RAP1GAP2: variants seen among roughly 807,000 people sequenced by gnomAD.
RAP1GAP2 encodes rap1 GTPase-activating protein 2.
Under a neutral mutation model 95.0 loss-of-function variants are expected in RAP1GAP2, and 27 were observed. That is an observed-to-expected ratio of 0.28 (90% CI 0.21 to 0.39). RAP1GAP2 has a LOEUF of 0.39. Ranked by LOEUF, RAP1GAP2 falls within the 10% of genes least tolerant of loss-of-function variation. The pLI, the probability that RAP1GAP2 is intolerant of heterozygous loss-of-function variation, is 1.00. For synonymous variants in RAP1GAP2, 373 were observed against 380.9 expected, an observed-to-expected ratio of 0.98 and a Z score of 0.24; for missense variants, 771 against 970.0, an observed-to-expected ratio of 0.79 and a Z score of 2.72.
At position 3,032,415 on chromosome 17, in the gene RAP1GAP2, A is replaced by G; in HGVS notation, c.2189A>G (p.His730Arg). Residue 730 changes from histidine (H) to arginine (R), a missense_variant, in exon 24 of 25, where the codon CAC becomes CGC. By Grantham distance (29) the His-to-Arg change is conservative. Transcript: ENST00000254695. ...TATGGATTTTTGTTGAAACAGGGTC[A>G]CTAATGTGAAAGTGGAGTCCTTCGC... The part of the protein sequence containing the change: ...KLSHASSGAG[H>R] 3 of 1,613,950 alleles carry G rather than the reference A, an allele frequency of 1.9e-6. No individual in the cohort carries two copies. Among genetic ancestry groups the G allele is most frequent in the East Asian group, 4.5e-5 (2 of 44,878 alleles).
intron 11 of RAP1GAP2, among the ~76,000 whole-genome samples, chr17:2,986,717 G>A (rs1218924994): frequency 1.3e-5 from 2 of 152,084 alleles, no homozygotes; most frequent in African/African-American, 4.8e-5. Context: ...GGGGGATACG[G>A]TGACTAAGAC....
intron 3 of RAP1GAP2, among the ~76,000 whole-genome samples, chr17:2,932,084 C>G (rs2043173342): frequency 1.3e-5 from 2 of 152,208 alleles, no homozygotes; most frequent in Non-Finnish European, 2.9e-5. Context: ...TCCCAGTAAT[C>G]CGTTGTCCCA....
chr17:2,912,906 G>A (rs1264175333), intron 3 of RAP1GAP2, among the ~76,000 whole-genome samples: 2 of 152,166 alleles, frequency 1.3e-5, no homozygotes, highest in Non-Finnish European at 2.9e-5. Flanking sequence ...GGCTGGGCAT[G>A]GTGGCACATG....
chr17:2,833,779 G>A lies in RAP1GAP2; in HGVS notation c.80+33229G>A, dbSNP rs146194795. On this transcript the variant is annotated intron_variant, in intron 2 of 24. Transcript: ENST00000254695. ...CATGAAAGTGTTTCTCTAGACTTGA[G>A]TGAATCCTAGATGTGAGATTGCTGG... Among the ~76,000 whole-genome samples the A allele has an allele frequency of 8.6e-3, 1,309 of 151,964 alleles. 14 individuals carry two copies. The highest frequency in any genetic ancestry group is 0.03 in the African/African-American group (1,235 of 41,452).
At chr17:2,998,835 G>T (rs112962930) in intron 14 of RAP1GAP2, among the ~76,000 whole-genome samples, 43 of 151,990 alleles carry the variant, frequency 2.8e-4, no homozygotes, top group Middle Eastern at 3.4e-3. Context: ...TTTGGAATTT[G>T]GTGATGCCAT....
intron 3 of RAP1GAP2, among the ~76,000 whole-genome samples, chr17:2,952,843 C>T (rs555279730): frequency 3.7e-4 from 56 of 151,788 alleles, no homozygotes; most frequent in African/African-American, 1.1e-3. Flanking sequence ...CTCACTTTGT[C>T]GCTCAGGCTG....
At chr17:3,018,250 C>A (rs189280592) in intron 18 of RAP1GAP2, 52 bp downstream of exon 18, 11 of 1,519,508 alleles carry the variant, frequency 7.2e-6, no homozygotes, top group African/African-American at 1.4e-5. Context: ...GAGGCCCCCC[C>A]CAGACCTATG....
chr17:2,919,923 A>T (rs1407120131), intron 3 of RAP1GAP2, among the ~76,000 whole-genome samples: 1 of 150,022 alleles, frequency 6.7e-6, no homozygotes, highest in African/African-American at 2.5e-5. Flanking sequence ...CTGGTCTCGA[A>T]CTCTTGACCT....
chr17:2,807,109 C>G (rs1347216856), intron 2 of RAP1GAP2, among the ~76,000 whole-genome samples: 2 of 152,186 alleles, frequency 1.3e-5, no homozygotes, highest in Non-Finnish European at 2.9e-5. Flanking sequence ...GTTGGCCAGG[C>G]TGGTCTCAAA....
At chr17:2,961,045 A>T (rs113173976) in intron 4 of RAP1GAP2, among the ~76,000 whole-genome samples, 1 of 146,574 alleles carries the variant, frequency 6.8e-6, no homozygotes, top group African/African-American at 2.5e-5. Flanking sequence ...GTGAAACCCC[A>T]TCTCTACTAA....
chr17:2,830,500 T>G (rs9889255), intron 2 of RAP1GAP2, among the ~76,000 whole-genome samples: 121,257 of 151,660 alleles, frequency 0.8, 48,872 homozygotes, highest in African/African-American at 0.88. Flanking sequence ...CAGATCACGA[T>G]GTCAAGAGAT....
At chr17:3,026,816 A>C (rs2151661706) in intron 21 of RAP1GAP2, 128 bp from the exon 22 acceptor site, 1 of 1,243,960 alleles carries the variant, frequency 8.0e-7, no homozygotes, top group East Asian at 2.6e-5. Flanking sequence ...TCAGCAGGAA[A>C]GAAAGAGCAG....
intron 7 of RAP1GAP2, chr17:2,964,350 G>A (rs2044493037): frequency 8.4e-6 from 1 of 118,630 alleles, no homozygotes; most frequent in South Asian, 3.6e-4. Context: ...GGGGGTGGGG[G>A]GAGGGGCTGG....
chr17:2,920,628 G>T (rs962034050), intron 3 of RAP1GAP2, among the ~76,000 whole-genome samples: 6 of 152,226 alleles, frequency 3.9e-5, no homozygotes, highest in African/African-American at 1.2e-4. Flanking sequence ...ACCCTGTAGG[G>T]TTACTGCAGG....
At chr17:2,773,166 C>T (rs1407629812), upstream of RAP1GAP2, among the ~76,000 whole-genome samples, 1 of 152,038 alleles carries the variant, frequency 6.6e-6, no homozygotes, top group African/African-American at 2.4e-5. Flanking sequence ...AGGTGGTGTC[C>T]GCAAACTATA....
At chr17:2,956,048 A>G (rs146101602) in intron 3 of RAP1GAP2, among the ~76,000 whole-genome samples, 4 of 152,336 alleles carry the variant, frequency 2.6e-5, no homozygotes, top group Non-Finnish European at 5.9e-5. Flanking sequence ...CTGTTGCATT[A>G]TCCTCCTCCT....
chr17:2,844,083 C>T (rs369342789), intron 2 of RAP1GAP2, among the ~76,000 whole-genome samples: 1 of 151,838 alleles, frequency 6.6e-6, no homozygotes, highest in South Asian at 2.1e-4. Flanking sequence ...TGCAGTGGCT[C>T]GATCTCGGCT....
chr17:2,788,197 T>C (rs1286897223), intron 1 of RAP1GAP2, among the ~76,000 whole-genome samples: 1 of 152,146 alleles, frequency 6.6e-6, no homozygotes, highest in Admixed American at 6.6e-5. Context: ...GAAATAGAAC[T>C]AATAGGAAAT....
intron 3 of RAP1GAP2, among the ~76,000 whole-genome samples, chr17:2,913,139 C>G (rs1012628774): frequency 2.6e-5 from 4 of 152,102 alleles, no homozygotes; most frequent in Non-Finnish European, 5.9e-5. Context: ...GATTGCACCA[C>G]TGCACTCTAG....
Sources: gnomAD v4.1 joint callset for allele counts (sites outside exome capture counted in the v4.1 genomes callset) on GRCh38, gnomAD v4.1.1 for gene constraint, MANE v1.5 for transcripts, NCBI Gene and HGNC (gene_info 2026-07-23, HGNC 2026-07-21) for gene names.